The following FSD2 variants were observed in gnomAD, a reference collection of about 807,000 sequenced individuals.
FSD2 encodes the protein fibronectin type III and SPRY domain-containing protein 2.
In FSD2, 71 loss-of-function variants were observed where a neutral mutation model predicts 80.4. The ratio of observed to expected loss-of-function variants is 0.88; its 90% confidence interval spans 0.73 to 1.08. FSD2 has a LOEUF of 1.08. Ranked by LOEUF, FSD2 falls within the 50% of genes least tolerant of loss-of-function variation. The probability of loss-of-function intolerance (pLI) is 0.00; values close to 1 mark genes in which losing one functional copy is unlikely to be tolerated. For synonymous variants in FSD2, 361 were observed against 329.5 expected (o/e 1.10, Z -1.03); for missense variants, 923 against 913.8 (o/e 1.01, Z -0.13).
chr15:82,778,128 A>ATATATATATATT (rs2049761426), intron 6 of FSD2, among the ~76,000 whole-genome samples: 1 of 7,358 alleles, frequency 1.4e-4, no homozygotes, highest in Non-Finnish European at 3.1e-4. Flanking sequence ...CAAAAAAACC[A>ATATATATATATT]TATATATATA....
intron 12 of FSD2, among the ~76,000 whole-genome samples, chr15:82,760,232 C>T (rs1254243389): frequency 6.6e-6 from 1 of 152,166 alleles, no homozygotes; most frequent in African/African-American, 2.4e-5. Context: ...ACATTTGAAA[C>T]AGGGAACCTT....
rs763188335 is a variant in FSD2, at chr15:82,787,385, C to T, written c.6G>A (p.Glu2=). 23 of 1,602,554 alleles carry T rather than the reference C, an allele frequency of 1.4e-5. No individual in the cohort carries two copies. The highest frequency in any genetic ancestry group is 1.9e-5 in the Non-Finnish European group (22 of 1,173,762). The change falls in exon 2 of 13, where the codon GAG becomes GAA. Residue 2 remains glutamate (E), a synonymous_variant. Coordinates refer to ENST00000334574, the MANE Select transcript of FSD2 (RefSeq NM_001007122.4). M[E]EESGEELGLD... is the part of the protein sequence containing the mutation. ...GCCCCAGTTCCTCCCCCGATTCCTC[C>T]TCCATTGTAACTCTGGAAGTCCTCA...
In FSD2 at chr15:82,762,231, T is replaced by C. The variant is rs781572407; in HGVS notation, c.1868A>G (p.Tyr623Cys). 1.1e-5 allele frequency: 17 copies of C among 1,613,818 alleles called. No homozygotes were observed. In the Admixed American group the frequency reaches 2.5e-4, roughly 24 times the overall value. Residue 623 changes from tyrosine to cysteine, a missense_variant, in exon 12 of 13, where the codon TAC becomes TGC. By Grantham distance (194) the Tyr-to-Cys change is radical. Transcript: ENST00000334574. ...GNLIPVRGHH[Y>C]WEVEVDEHLD... ...ATGCTCATCCACCTCCACCTCCCAG[T>C]AATGGTGCCCTCGGACTGGAATTAG...
chr15:82,782,847 A>C lies in FSD2; in HGVS notation c.914T>G (p.Leu305Arg). The part of the protein sequence containing the change: ...CGENLDTCKE[L>R]METIEEMCHE... ...ACACATCTCCTCTATTGTTTCCATCAGTTCTTTGCAAGTATCTAGGTTTTC... is the reference window on the plus strand; with the variant it reads ...ACACATCTCCTCTATTGTTTCCATCCGTTCTTTGCAAGTATCTAGGTTTTC... The change falls in exon 4 of 13, where the codon CTG becomes CGG. Residue 305 changes from leucine to arginine, a missense_variant. Transcript: ENST00000334574. The C allele has an allele frequency of 6.2e-7, 1 of 1,613,948 alleles. No individual in the cohort carries two copies. The highest frequency in any genetic ancestry group is 8.5e-7 in the Non-Finnish European group (1 of 1,179,870).
chr15:82,778,672 G>A (rs2151508052), intron 6 of FSD2, 94 bp downstream of exon 6: 1 of 1,373,822 alleles, frequency 7.3e-7, no homozygotes, highest in East Asian at 2.5e-5. Flanking sequence ...AATTTGTTAA[G>A]AGGATAGATC....
intron 3 of FSD2, among the ~76,000 whole-genome samples, chr15:82,786,029 G>A (rs990081286): frequency 3.3e-5 from 5 of 152,108 alleles, no homozygotes; most frequent in Non-Finnish European, 7.4e-5. Flanking sequence ...ATCTTTGTTA[G>A]AATAAGGGTC....
Position 82,769,852 on chromosome 15 carries a change from A to T in FSD2, c.1300T>A (p.Ser434Thr), listed in dbSNP as rs1298524843. Residue 434 changes from serine (S) to threonine (T), a missense_variant, in exon 8 of 13, where the codon TCA becomes ACA. By Grantham distance (58) the Ser-to-Thr change is moderately conservative (BLOSUM62 1). Transcript: ENST00000334574. ...FTVTVKETYC[S>T]VTNLVPNTQY... ...GTATTTGGCACAAGGTTTGTCACTG[A>T]GCAATATGTTTCTTTGACAGTCACT... 1.9e-5 allele frequency: 31 copies of T among 1,613,810 alleles called. No individual in the cohort carries two copies. The Admixed American group carries it at 5.2e-4, about 27-fold the overall frequency.
chr15:82,798,495 T>C (rs1415394456), intron 1 of FSD2, among the ~76,000 whole-genome samples: 2 of 152,226 alleles, frequency 1.3e-5, no homozygotes, highest in Non-Finnish European at 2.9e-5. Context: ...GTAAATCTAA[T>C]GTCTTTTTTT....
chr15:82,794,045 A>G (rs1351690035), intron 1 of FSD2, among the ~76,000 whole-genome samples: 3 of 151,190 alleles, frequency 2.0e-5, no homozygotes, highest in Admixed American at 6.6e-5. Context: ...TGTTTTGTTT[A>G]GTTTGCTCTT....
intron 5 of FSD2, among the ~76,000 whole-genome samples, chr15:82,779,236 GAGGTACTGAGGGTCCAGACTCCCC>G (rs1322029262): frequency 6.6e-6 from 1 of 152,202 alleles, no homozygotes; most frequent in Admixed American, 6.5e-5. Flanking sequence ...CCAGGCCCAA[GAGGTACTGAGGGTCCAGACTCCCC>G]AGGCTTCCTC....
intron 1 of FSD2, among the ~76,000 whole-genome samples, chr15:82,800,584 C>T (rs764123359): frequency 8.8e-5 from 13 of 148,026 alleles, no homozygotes; most frequent in Non-Finnish European, 1.6e-4. Flanking sequence ...CCCAGCTACT[C>T]GGGAGGCTGA....
chr15:82,765,898 C>T lies in FSD2; in HGVS notation c.1687G>A (p.Gly563Arg). Reference protein sequence around the residue: ...RSEPATVHTIGSYFRLNKDTC... With the variant: ...RSEPATVHTIRSYFRLNKDTC... ...AGACTTTGTGGGCTGGGGCACAGAC[C>T]TATGGTGTGGACTGTAGCTGGCTCG... The change falls in exon 10 of 13, where the codon GGA (glycine) becomes AGA (arginine). Residue 563 changes from glycine (G) to arginine (R), a missense_variant and splice_region_variant. Coordinates refer to ENST00000334574, the MANE Select transcript of FSD2 (RefSeq NM_001007122.4). 6.2e-7 allele frequency: 1 copy of T among 1,608,304 alleles called. No homozygotes were observed. The highest frequency in any genetic ancestry group is 8.5e-7 in the Non-Finnish European group (1 of 1,177,518).
intron 1 of FSD2, among the ~76,000 whole-genome samples, chr15:82,793,574 A>C (rs562703475): frequency 6.6e-6 from 1 of 152,308 alleles, no homozygotes; most frequent in South Asian, 2.1e-4. Flanking sequence ...AAGTTTACAA[A>C]ATAAGAAAGG....
chr15:82,767,367 G>A (rs1208786161), intron 9 of FSD2, among the ~76,000 whole-genome samples: 1 of 152,218 alleles, frequency 6.6e-6, no homozygotes, highest in African/African-American at 2.4e-5. Context: ...CCAAGGCCCT[G>A]TGGCAGGAAG....
chr15:82,788,977 T>TAA (rs35788113), intron 1 of FSD2, among the ~76,000 whole-genome samples: 5 of 137,438 alleles, frequency 3.6e-5, no homozygotes, highest in African/African-American at 8.1e-5. Context: ...AGACTCTGTC[T>TAA]AAAAAAAAAA....
chr15:82,759,493 A>G lies in FSD2; in HGVS notation c.2105T>C (p.Phe702Ser), dbSNP rs199848732. The change falls in exon 13 of 13, where the codon TTT becomes TCT. Residue 702 changes from phenylalanine to serine, a missense_variant. Physicochemically the swap from Phe to Ser is radical, Grantham distance 155 (BLOSUM62 -2). Coordinates refer to ENST00000334574, the MANE Select transcript of FSD2 (RefSeq NM_001007122.4). The part of the protein sequence containing the change: ...LLDYEHSKLS[F>S]FNVDLSQHLY... ...ATGCTGAGAAAGGTCCACATTGAAA[A>G]ATGACAACTTTGAATGTTCATAGTC... 2.7e-5 allele frequency: 44 copies of G among 1,613,012 alleles called. No homozygotes were observed. The highest frequency in any genetic ancestry group is 3.2e-5 in the Non-Finnish European group (38 of 1,179,460).
intron 9 of FSD2, 144 bp from the exon 10 acceptor site, chr15:82,766,175 G>A (rs1567300440): frequency 4.6e-6 from 4 of 878,098 alleles, no homozygotes; most frequent in Non-Finnish European, 6.6e-6. Context: ...ATAGCCAGGA[G>A]TGCTGGCTCC....
At chr15:82,798,884 T>TG (rs1205304713) in intron 1 of FSD2, among the ~76,000 whole-genome samples, 6 of 149,070 alleles carry the variant, frequency 4.0e-5, no homozygotes, top group Non-Finnish European at 7.4e-5. Flanking sequence ...TTTTGTTTTT[T>TG]TTTTTTTTTT....
intron 6 of FSD2, among the ~76,000 whole-genome samples, chr15:82,776,311 A>G (rs919116810): frequency 2.0e-5 from 3 of 152,208 alleles, no homozygotes; most frequent in African/African-American, 7.2e-5. Context: ...AATAACAATA[A>G]AAGATACTTG....
Sources: allele counts gnomAD v4.1 joint callset (sites outside exome capture counted in the v4.1 genomes callset), GRCh38; gene constraint gnomAD v4.1.1; transcripts MANE v1.5; gene names NCBI Gene and HGNC (gene_info 2026-07-23, HGNC 2026-07-21).